NPY: variants seen among roughly 807,000 people sequenced by gnomAD.
The protein encoded by NPY is neuropeptide Y, also known as pro-neuropeptide Y.
A neutral mutation model predicts 13.2 loss-of-function variants in NPY; 11 were observed. The observed-to-expected ratio is 0.83, with a 90% CI of 0.52 to 1.38. The LOEUF is 1.38. Ranked by LOEUF, NPY falls within the 40% of genes most tolerant of loss-of-function variation. The pLI is 0.00. For synonymous variants in NPY, 51 were observed against 55.6 expected, an observed-to-expected ratio of 0.92 and a Z score of 0.37; for missense variants, 109 against 125.1, an observed-to-expected ratio of 0.87 and a Z score of 0.61.
intron 2 of NPY, among the ~76,000 whole-genome samples, chr7:24,286,046 AAC>A (rs1406885683): frequency 1.3e-5 from 2 of 152,226 alleles, no homozygotes; most frequent in Non-Finnish European, 2.9e-5. Context: ...TTAGCCTGAA[AAC>A]AGTTTATCTA....
Position 24,289,525 on chromosome 7 carries a change from C to T in NPY, c.215C>T (p.Thr72Ile). The T allele has an allele frequency of 1.2e-6, 2 of 1,609,446 alleles. No homozygotes were observed. The highest frequency in any genetic ancestry group is 1.7e-6 in the Non-Finnish European group (2 of 1,177,806). The stretch of plus-strand genomic sequence containing the variant: ...TATGGAAAACGATCCAGCCCAGAGA[C>T]ACTGATTTCAGACCTCTTGATGAGA... ...QRYGKRSSPE[T>I]LISDLLMRES... The change falls in exon 3 of 4, where the codon ACA (threonine) becomes ATA (isoleucine). Residue 72 changes from threonine (T) to isoleucine (I), a missense_variant. Coordinates refer to ENST00000242152, the MANE Select transcript of NPY (RefSeq NM_000905.4).
chr7:24,285,355 G>C lies in NPY; in HGVS notation c.115G>C (p.Asp39His). ...CTCCAAGCCGGACAACCCGGGCGAGGACGCACCAGCGGAGGACATGGCCAG... is the reference window on the plus strand; with the variant it reads ...CTCCAAGCCGGACAACCCGGGCGAGCACGCACCAGCGGAGGACATGGCCAG... ...YPSKPDNPGE[D>H]APAEDMARYY... is the part of the protein sequence containing the mutation. The change falls in exon 2 of 4, where the codon GAC becomes CAC. Residue 39 changes from aspartate to histidine, a missense_variant. By Grantham distance (81) the Asp-to-His change is moderately conservative (BLOSUM62 -1). Coordinates refer to ENST00000242152, the MANE Select transcript of NPY (RefSeq NM_000905.4). The surrounding 1 kb of genome is among the most constrained non-coding windows in gnomAD (Gnocchi z 4.9). 1 of 1,614,108 alleles carries C rather than the reference G, an allele frequency of 6.2e-7. No homozygotes were observed. Among genetic ancestry groups the C allele is most frequent in the Non-Finnish European group, 8.5e-7 (1 of 1,180,042 alleles).
At chr7:24,290,480 T>A (rs1261777582) in intron 3 of NPY, among the ~76,000 whole-genome samples, 1 of 152,144 alleles carries the variant, frequency 6.6e-6, no homozygotes, top group Non-Finnish European at 1.5e-5. Context: ...TGAGTGTGAC[T>A]GACGTGGCTC....
Position 24,285,340 on chromosome 7 carries a change from G to A in NPY, c.100G>A (p.Asp34Asn). 6.2e-7 allele frequency: 1 copy of A among 1,614,050 alleles called. No homozygotes were observed. Among genetic ancestry groups the A allele is most frequent in the Non-Finnish European group, 8.5e-7 (1 of 1,180,028 alleles). The change falls in exon 2 of 4, where the codon GAC (aspartate) becomes AAC (asparagine). Residue 34 changes from aspartate (D) to asparagine (N), a missense_variant. Transcript: ENST00000242152. This position sits in a 1 kb window ranked among gnomAD's most constrained non-coding sequence, Gnocchi z 4.9. ...GGCCGAGGCGTACCCCTCCAAGCCG[G>A]ACAACCCGGGCGAGGACGCACCAGC... ...ALAEAYPSKP[D>N]NPGEDAPAED...
At position 24,287,925 on chromosome 7, in the gene NPY, G is replaced by GT. The variant is rs1045424554; in HGVS notation, c.189-1569dup. On this transcript the variant is annotated intron_variant, in intron 2 of 3. Transcript: ENST00000242152. ...GGATGGGGCCTGGGCTTTAGAGTGTGTTTTTAACACTCCCCAGGTGATTCT... is the reference window on the plus strand; with the variant it reads ...GGATGGGGCCTGGGCTTTAGAGTGTGTTTTTTAACACTCCCCAGGTGATTCT... Among the ~76,000 whole-genome samples, 45 of 152,212 alleles carry GT rather than the reference G, an allele frequency of 3.0e-4. No individual in the cohort carries two copies. In the Middle Eastern group the frequency reaches 0.01, roughly 35 times the overall value.
rs1398193338 is a variant in NPY, at chr7:24,290,529, G to A, written c.269+950G>A. ...CCCTAGAGACTCAGCAGGGTGACCC[G>A]CTGGGCCACCCACCTTCCCTTCTAA... On this transcript the variant is annotated intron_variant, in intron 3 of 3. Coordinates refer to ENST00000242152, the MANE Select transcript of NPY (RefSeq NM_000905.4). Among the ~76,000 whole-genome samples, 4 of 151,964 alleles carry A rather than the reference G, an allele frequency of 2.6e-5. 1 individual carries two copies. The highest frequency in any genetic ancestry group is 6.6e-5 in the Admixed American group (1 of 15,260).
Position 24,285,085 on chromosome 7 carries a change from A to C in NPY, c.1-156A>C. 1.3e-6 allele frequency: 1 copy of C among 764,368 alleles called. No homozygotes were observed. The highest frequency in any genetic ancestry group is 2.2e-6 in the Non-Finnish European group (1 of 461,688). 47.3% of individuals were successfully genotyped at this position (764,368 alleles called of 1,614,324 possible). A position where few individuals can be genotyped will look rare whatever the true frequency, so the allele number is the denominator to read the frequency against. On this transcript the variant is annotated intron_variant, in intron 1 of 3. Coordinates refer to ENST00000242152, the MANE Select transcript of NPY (RefSeq NM_000905.4). This position sits in a 1 kb window ranked among gnomAD's most constrained non-coding sequence, Gnocchi z 4.9. ...CGCCCGGAGCCCGCAAGGTGGTGCT[A>C]GCCACTCCTGGGTTCTCTCTGCGGG...
Position 24,285,096 on chromosome 7 carries a change from G to A in NPY, c.1-145G>A. 2 of 848,142 alleles carry A rather than the reference G, an allele frequency of 2.4e-6. No individual in the cohort carries two copies. Among genetic ancestry groups the A allele is most frequent in the Non-Finnish European group, 3.8e-6 (2 of 525,356 alleles). The allele number at this position is 848,142 out of a possible 1,614,324, so 52.5% of individuals were successfully genotyped here. A position where few individuals can be genotyped will look rare whatever the true frequency, so the allele number is the denominator to read the frequency against. On this transcript the variant is annotated intron_variant, in intron 1 of 3. Transcript: ENST00000242152. This position sits in a 1 kb window ranked among gnomAD's most constrained non-coding sequence, Gnocchi z 4.9. ...CGCAAGGTGGTGCTAGCCACTCCTGGGTTCTCTCTGCGGGACTGGGACGAG... is the reference window on the plus strand; with the variant it reads ...CGCAAGGTGGTGCTAGCCACTCCTGAGTTCTCTCTGCGGGACTGGGACGAG...
intron 2 of NPY, among the ~76,000 whole-genome samples, chr7:24,288,963 T>G (rs2128233269): frequency 6.6e-6 from 1 of 152,352 alleles, no homozygotes; most frequent in Admixed American, 6.5e-5. Context: ...AAGCAGGGGT[T>G]GTTTTACAAA....
chr7:24,285,131 G>C lies in NPY; in HGVS notation c.1-110G>C, dbSNP rs775926476. On this transcript the variant is annotated intron_variant, in intron 1 of 3. Coordinates refer to ENST00000242152, the MANE Select transcript of NPY (RefSeq NM_000905.4). This position sits in a 1 kb window ranked among gnomAD's most constrained non-coding sequence, Gnocchi z 4.9. Reference sequence around the variant, plus strand: ...GCGGGACTGGGACGAGAGCGGATTGGGGGTCGCGTGTGGTAGCAGGAGGAG... The same window carrying C: ...GCGGGACTGGGACGAGAGCGGATTGCGGGTCGCGTGTGGTAGCAGGAGGAG... 17 of 1,106,498 alleles carry C rather than the reference G, an allele frequency of 1.5e-5. No individual in the cohort carries two copies. The highest frequency in any genetic ancestry group is 2.2e-5 in the Non-Finnish European group (16 of 739,012). The allele number at this position is 1,106,498 out of a possible 1,614,324, so 68.5% of individuals were successfully genotyped here. A position where few individuals can be genotyped will look rare whatever the true frequency, so the allele number is the denominator to read the frequency against.
chr7:24,288,716 T>C (rs1450436044), intron 2 of NPY, among the ~76,000 whole-genome samples: 2 of 150,740 alleles, frequency 1.3e-5, no homozygotes, highest in Non-Finnish European at 3.0e-5. Context: ...AAAAGAACAT[T>C]TCCATGGATC....
intron 3 of NPY, among the ~76,000 whole-genome samples, chr7:24,290,775 A>ATTATTATTATT (rs1554351567): frequency 2.5e-4 from 32 of 129,634 alleles, no homozygotes; most frequent in African/African-American, 5.2e-4. Flanking sequence ...TAATAATAAT[A>ATTATTATTATT]ATTATTATTA....
At chr7:24,286,701 G>C (rs1373526614) in intron 2 of NPY, among the ~76,000 whole-genome samples, 1 of 152,138 alleles carries the variant, frequency 6.6e-6, no homozygotes, top group African/African-American at 2.4e-5. Flanking sequence ...GTAGTTGTTT[G>C]TGATCCCTTG....
chr7:24,286,608 A>G (rs1198337137), intron 2 of NPY, among the ~76,000 whole-genome samples: 2 of 152,240 alleles, frequency 1.3e-5, no homozygotes, highest in African/African-American at 2.4e-5. Context: ...TTCATCAAAA[A>G]GGTATTTAAC....
intron 2 of NPY, among the ~76,000 whole-genome samples, chr7:24,286,663 A>C (rs1295723660): frequency 6.6e-6 from 1 of 152,200 alleles, no homozygotes; most frequent in Non-Finnish European, 1.5e-5. Context: ...ATAGAATCTG[A>C]AAAACATGAA....
At chr7:24,286,596 G>C (rs1787390520) in intron 2 of NPY, among the ~76,000 whole-genome samples, 1 of 152,070 alleles carries the variant, frequency 6.6e-6, no homozygotes, top group South Asian at 2.1e-4. Context: ...GCTTTTTCCT[G>C]TTTCATCAAA....
intron 2 of NPY, 72 bp from the exon 3 acceptor site, chr7:24,289,427 G>A (rs752627408): frequency 1.1e-5 from 11 of 1,015,370 alleles, no homozygotes; most frequent in African/African-American, 1.6e-5. Context: ...CCAAATAGGA[G>A]ACTATCTTCC....
intron 2 of NPY, among the ~76,000 whole-genome samples, chr7:24,286,385 T>A (rs553281711): frequency 1.8e-4 from 27 of 149,330 alleles, no homozygotes; most frequent in Non-Finnish European, 3.6e-4. Context: ...TGAGATTAAA[T>A]GATTTTAGTC....
chr7:24,287,167 T>A (rs979317664), intron 2 of NPY, among the ~76,000 whole-genome samples: 1 of 152,128 alleles, frequency 6.6e-6, no homozygotes, highest in Non-Finnish European at 1.5e-5. Flanking sequence ...ATCTCCAACA[T>A]GTTTGATGAG....
Sources: allele counts gnomAD v4.1 joint callset (sites outside exome capture counted in the v4.1 genomes callset), GRCh38; gene constraint gnomAD v4.1.1; non-coding constraint Gnocchi (gnomAD v3.1); transcripts MANE v1.5; gene names NCBI Gene and HGNC (gene_info 2026-07-23, HGNC 2026-07-21).